ANK3: variants seen among roughly 807,000 people sequenced by gnomAD.
ANK3 encodes the protein ankyrin-3.
A neutral mutation model predicts 370.9 loss-of-function variants in ANK3; 57 were observed. That is an observed-to-expected ratio of 0.15 (90% CI 0.12 to 0.19). The LOEUF (loss-of-function observed/expected upper bound fraction) is 0.19, where lower values mean the gene tolerates loss of function less well. Among genes scored for constraint, ANK3 ranks in the 10% least tolerant of loss-of-function variants. ANK3 has a pLI of 1.00. For synonymous variants in ANK3, 1,929 were observed against 1,946.3 expected (o/e 0.99, Z 0.23); for missense variants, 4,439 against 5,302.1 (o/e 0.84, Z 5.06).
At chr10:60,327,015 C>CAAAAAA (rs986368110) in intron 1 of ANK3, among the ~76,000 whole-genome samples, 1 of 143,026 alleles carries the variant, frequency 7.0e-6, no homozygotes, top group African/African-American at 2.7e-5. Context: ...GACTCCGTCT[C>CAAAAAA]AAAAAAAAAA....
intron 40 of ANK3, chr10:60,060,058 A>G: frequency 7.2e-7 from 1 of 1,380,168 alleles, no homozygotes; most frequent in African/African-American, 1.4e-5. Context: ...AATACATCAA[A>G]CAAAAACACA....
chr10:60,276,959 T>C (rs1437332040), intron 4 of ANK3, among the ~76,000 whole-genome samples: 3 of 152,220 alleles, frequency 2.0e-5, no homozygotes, highest in Non-Finnish European at 1.5e-5. Context: ...CAAAGTACCA[T>C]ACTTGTTGCT....
chr10:60,082,031 T>C, intron 35 of ANK3, 119 bp downstream of exon 35: 2 of 729,970 alleles, frequency 2.7e-6, no homozygotes, highest in Non-Finnish European at 4.4e-6. Flanking sequence ...TTTACCTACT[T>C]AAGACCTGAA....
chr10:60,212,386 A>G (rs2096871073), intron 9 of ANK3, among the ~76,000 whole-genome samples: 1 of 152,160 alleles, frequency 6.6e-6, no homozygotes, highest in African/African-American at 2.4e-5. Context: ...TACAGTGGTT[A>G]GGTGAGAGAT....
In ANK3 at chr10:60,086,782, G is replaced by C; in HGVS notation, c.3643C>G (p.Pro1215Ala). 1 of 1,614,024 alleles carries C rather than the reference G, an allele frequency of 6.2e-7. No individual in the cohort carries two copies. The highest frequency in any genetic ancestry group is 8.5e-7 in the Non-Finnish European group (1 of 1,179,986). The part of the protein sequence containing the change: ...VEPRRRKFHK[P>A]ITMTIPVPPP... Reference sequence around the variant, plus strand: ...GGCACCGGAATGGTCATTGTGATTGGTTTATGGAATTTCCGTCTTCTTGGT... The same window carrying C: ...GGCACCGGAATGGTCATTGTGATTGCTTTATGGAATTTCCGTCTTCTTGGT... Residue 1215 changes from proline (P) to alanine (A), a missense_variant, in exon 30 of 44, where the codon CCA becomes GCA. Physicochemically the swap from Pro to Ala is conservative, Grantham distance 27. Around this residue, in one of 13 missense-constraint regions of ANK3, gnomAD observed 702 missense variants for 941.5 expected, o/e 0.75. Transcript: ENST00000280772.
In ANK3 at chr10:60,644,505, G is replaced by C. The variant is rs544284745; in HGVS notation, c.58-29281C>G. Among the ~76,000 whole-genome samples, 11 of 151,866 alleles carry C rather than the reference G, an allele frequency of 7.2e-5. No homozygotes were observed. The South Asian group carries it at 1.9e-3, about 26-fold the overall frequency. The stretch of plus-strand genomic sequence containing the variant: ...AAATTATTCTTTGAACCAAATGAAG[G>C]CATAATTGTCTTTAAAAGTACCAAT... On this transcript the variant is annotated intron_variant, in intron 1 of 43. Coordinates refer to the ANK3 transcript ENST00000373827.
Position 60,055,849 on chromosome 10 carries a change from G to A in ANK3, c.12874C>T (p.His4292Tyr). The A allele has an allele frequency of 6.2e-7, 1 of 1,614,054 alleles. No homozygotes were observed. Among genetic ancestry groups the A allele is most frequent in the Non-Finnish European group, 8.5e-7 (1 of 1,179,994 alleles). The change falls in exon 42 of 44, where the codon CAT (histidine) becomes TAT (tyrosine). Residue 4292 changes from histidine (H) to tyrosine (Y), a missense_variant. Coordinates refer to ENST00000280772, the MANE Select transcript of ANK3 (RefSeq NM_020987.5). Reference sequence around the variant, plus strand: ...AGTGGTGATGCTGGTTCTTCAACATGACCAGATCCATGTATTTTTGGTTTC... The same window carrying A: ...AGTGGTGATGCTGGTTCTTCAACATAACCAGATCCATGTATTTTTGGTTTC... ...TLKPKIHGSG[H>Y]VEEPASPLAA...
intron 1 of ANK3, among the ~76,000 whole-genome samples, chr10:60,718,571 T>G (rs7907057): frequency 0.015 from 2,211 of 152,284 alleles, 52 homozygotes; most frequent in African/African-American, 0.05. Context: ...AAAACATGTT[T>G]GTGCTACCAA....
intron 4 of ANK3, among the ~76,000 whole-genome samples, chr10:60,275,589 A>G (rs2098077870): frequency 6.6e-6 from 1 of 152,098 alleles, no homozygotes; most frequent in South Asian, 2.1e-4. Context: ...GGTGCAATAT[A>G]AGGTCACAGA....
At chr10:60,252,662 T>C (rs1294921058) in intron 7 of ANK3, among the ~76,000 whole-genome samples, 1 of 152,228 alleles carries the variant, frequency 6.6e-6, no homozygotes, top group Non-Finnish European at 1.5e-5. Context: ...TCTTATTGTC[T>C]CAGTGTCATT....
In ANK3 at chr10:60,085,272, A is replaced by T; in HGVS notation, c.3749-19T>A. On this transcript the variant is annotated intron_variant, in intron 30 of 43. Coordinates refer to ENST00000280772, the MANE Select transcript of ANK3 (RefSeq NM_020987.5). ...GTGCCCCCTGAGAGAACAACAGCAGATATGTTGACTTTATCATGGGAGATG... is the reference window on the plus strand; with the variant it reads ...GTGCCCCCTGAGAGAACAACAGCAGTTATGTTGACTTTATCATGGGAGATG... 6 of 1,579,740 alleles carry T rather than the reference A, an allele frequency of 3.8e-6. No individual in the cohort carries two copies. The highest frequency in any genetic ancestry group is 5.2e-6 in the Non-Finnish European group (6 of 1,155,062).
At chr10:60,230,119 T>C (rs146973011) in intron 8 of ANK3, among the ~76,000 whole-genome samples, 1 of 152,182 alleles carries the variant, frequency 6.6e-6, no homozygotes, top group African/African-American at 2.4e-5. Context: ...TGAAAAGAGA[T>C]AGAGAACTCA....
At chr10:60,343,370 G>A (rs2054688639) in intron 1 of ANK3, among the ~76,000 whole-genome samples, 1 of 152,060 alleles carries the variant, frequency 6.6e-6, no homozygotes, top group Non-Finnish European at 1.5e-5. Flanking sequence ...ATTTTACATA[G>A]TACTCTCTAA....
chr10:60,456,516 G>A (rs774712600), intron 2 of ANK3, among the ~76,000 whole-genome samples: 14 of 152,044 alleles, frequency 9.2e-5, no homozygotes, highest in African/African-American at 2.4e-4. Flanking sequence ...GACACTATTC[G>A]CCTAACTGAA....
At chr10:60,586,822 C>G (rs1182066893) in intron 2 of ANK3, among the ~76,000 whole-genome samples, 1 of 152,130 alleles carries the variant, frequency 6.6e-6, no homozygotes, top group Non-Finnish European at 1.5e-5. Context: ...GGTATCTGTC[C>G]ACTTTCCTTT....
intron 2 of ANK3, among the ~76,000 whole-genome samples, chr10:60,466,642 G>A (rs968568098): frequency 3.3e-5 from 5 of 152,116 alleles, no homozygotes; most frequent in African/African-American, 7.2e-5. Context: ...AATTATTCAT[G>A]GCGGGCAAAA....
chr10:60,287,892 T>C (rs2040389731), intron 1 of ANK3, among the ~76,000 whole-genome samples: 1 of 152,192 alleles, frequency 6.6e-6, no homozygotes, highest in Non-Finnish European at 1.5e-5. Context: ...TCTACTCTTA[T>C]CTGTTTAATA....
chr10:60,144,160 A>T (rs1467650550), intron 23 of ANK3: 1 of 430,838 alleles, frequency 2.3e-6, no homozygotes, highest in Admixed American at 2.6e-5. Flanking sequence ...TCACAGAACC[A>T]AGGTAGATAA....
At chr10:60,512,170 A>G (rs2076101899) in intron 2 of ANK3, among the ~76,000 whole-genome samples, 1 of 152,082 alleles carries the variant, frequency 6.6e-6, no homozygotes, top group Non-Finnish European at 1.5e-5. Context: ...GTTCATTTTC[A>G]TCTCCCAGAA....
Sources: allele counts gnomAD v4.1 joint callset (sites outside exome capture counted in the v4.1 genomes callset), GRCh38; gene constraint gnomAD v4.1.1; regional missense constraint gnomAD v4.1.1; transcripts MANE v1.5; gene names NCBI Gene and HGNC (gene_info 2026-07-23, HGNC 2026-07-21).